ADCY5: variants seen among roughly 807,000 people sequenced by gnomAD.
The protein encoded by ADCY5 is adenylate cyclase type 5.
Under a neutral mutation model 119.7 loss-of-function variants are expected in ADCY5, and 30 were observed. The observed-to-expected ratio is 0.25, with a 90% CI of 0.19 to 0.34. The LOEUF (loss-of-function observed/expected upper bound fraction) is 0.34. Among genes scored for constraint, ADCY5 ranks in the 10% least tolerant of loss-of-function variants. ADCY5 has a pLI of 1.00. For synonymous variants in ADCY5, 753 were observed against 762.2 expected (o/e 0.99, Z 0.20); for missense variants, 1,324 against 1,775.2 (o/e 0.75, Z 4.57).
intron 2 of ADCY5, among the ~76,000 whole-genome samples, chr3:123,350,930 T>G (rs1942811262): frequency 6.6e-6 from 1 of 152,020 alleles, no homozygotes; most frequent in South Asian, 2.1e-4. Flanking sequence ...GATGAGGGGC[T>G]TTTCAGGAAT....
intron 10 of ADCY5, 101 bp from the exon 11 acceptor site, chr3:123,318,218 C>T (rs1941028601): frequency 3.5e-6 from 3 of 857,572 alleles, no homozygotes; most frequent in Non-Finnish European, 3.8e-6. Flanking sequence ...CATGGCTGGT[C>T]ACCTGTGCAG....
At position 123,447,537 on chromosome 3, in the gene ADCY5, A is replaced by T. The variant is rs1559882550; in HGVS notation, c.1009T>A (p.Tyr337Asn). 3 of 1,610,400 alleles carry T rather than the reference A, an allele frequency of 1.9e-6. No individual in the cohort carries two copies. Among genetic ancestry groups the T allele is most frequent in the Non-Finnish European group, 2.5e-6 (3 of 1,179,708 alleles). ...EGIWWTVFFI[Y>N]TIYTLLPVRM... ...ACGGGCAGCAGCGTGTAGATGGTGT[A>T]GATGAAGAACACGGTCCACCAGATG... The change falls in exon 1 of 21, where the codon TAC becomes AAC. Residue 337 changes from tyrosine to asparagine, a missense_variant. Physicochemically the swap from Tyr to Asn is moderately radical, Grantham distance 143 (BLOSUM62 -2). This residue lies in a region of ADCY5 where 585 missense variants were observed against 569.9 expected (regional missense o/e 1.03). Transcript: ENST00000462833.
At chr3:123,296,431 C>T (rs1939517063) in intron 16 of ADCY5, among the ~76,000 whole-genome samples, 2 of 152,228 alleles carry the variant, frequency 1.3e-5, no homozygotes, top group Admixed American at 1.3e-4. Flanking sequence ...GCACCTGCAG[C>T]TCAGGCAGCC....
intron 1 of ADCY5, among the ~76,000 whole-genome samples, chr3:123,383,866 C>A (rs538651366): frequency 6.6e-6 from 1 of 151,814 alleles, no homozygotes; most frequent in Admixed American, 6.6e-5. Context: ...CGCACACACA[C>A]ACACAAACAC....
chr3:123,441,980 G>GA (rs11382207), intron 1 of ADCY5, among the ~76,000 whole-genome samples: 128,157 of 139,286 alleles, frequency 0.92, 59,329 homozygotes, highest in Middle Eastern at 0.98. Context: ...CTTAAGGAAG[G>GA]AAAAAAAAAA....
intron 1 of ADCY5, among the ~76,000 whole-genome samples, chr3:123,382,640 A>T (rs180699843): frequency 6.6e-6 from 1 of 152,362 alleles, no homozygotes; most frequent in Non-Finnish European, 1.5e-5. Context: ...AGCCTCAAAA[A>T]CATTATGCTA....
At chr3:123,301,604 T>C (rs991451419) in intron 14 of ADCY5, among the ~76,000 whole-genome samples, 3 of 151,932 alleles carry the variant, frequency 2.0e-5, no homozygotes, top group African/African-American at 7.3e-5. Context: ...TTGAGGGAGG[T>C]GGTCAGCTGG....
In ADCY5 at chr3:123,325,312, A is replaced by G; in HGVS notation, c.2088+10T>C. On this transcript the variant is annotated intron_variant, in intron 8 of 20. Transcript: ENST00000462833. ...AGTGTTGCCCACAGGCTGCCCCACC[A>G]GCCACTCACCATCCGCTTCATCTCC... The G allele has an allele frequency of 1.2e-6, 2 of 1,613,854 alleles. 1 individual carries two copies. Among genetic ancestry groups the G allele is most frequent in the South Asian group, 2.2e-5 (2 of 91,062 alleles).
At chr3:123,319,567 C>T (rs1335045202) in intron 10 of ADCY5, 107 bp downstream of exon 10, 1 of 1,395,378 alleles carries the variant, frequency 7.2e-7, no homozygotes, top group Non-Finnish European at 9.7e-7. Flanking sequence ...ACTGAGGCCA[C>T]CCCTTCCGTG....
intron 16 of ADCY5, among the ~76,000 whole-genome samples, chr3:123,296,769 G>A (rs1939541113): frequency 6.6e-6 from 1 of 152,226 alleles, no homozygotes; most frequent in African/African-American, 2.4e-5. Context: ...ACCAACAGTA[G>A]GTGCTGCAAA....
chr3:123,400,581 T>C (rs1414148853), intron 1 of ADCY5, among the ~76,000 whole-genome samples: 1 of 152,234 alleles, frequency 6.6e-6, no homozygotes, highest in East Asian at 1.9e-4. Flanking sequence ...TGAAATATTA[T>C]GCAGTTATTT....
At chr3:123,318,249 G>T in intron 10 of ADCY5, 132 bp from the exon 11 acceptor site, 2 of 658,460 alleles carry the variant, frequency 3.0e-6, no homozygotes, top group South Asian at 1.7e-5. Context: ...CAACAGGGAA[G>T]ACTCGAGAAC....
At chr3:123,367,508 A>T (rs561613527) in intron 1 of ADCY5, among the ~76,000 whole-genome samples, 1 of 152,280 alleles carries the variant, frequency 6.6e-6, no homozygotes, top group African/African-American at 2.4e-5. Context: ...ATCTTGGAGA[A>T]TAATTATCCC....
intron 1 of ADCY5, among the ~76,000 whole-genome samples, chr3:123,412,099 T>G (rs1354722113): frequency 6.6e-6 from 1 of 152,166 alleles, no homozygotes; most frequent in Non-Finnish European, 1.5e-5. Context: ...TCATAAAACC[T>G]TCCTCCACAT....
intron 1 of ADCY5, among the ~76,000 whole-genome samples, chr3:123,410,746 C>T (rs1342605894): frequency 6.6e-6 from 1 of 152,138 alleles, no homozygotes; most frequent in African/African-American, 2.4e-5. Flanking sequence ...CTCCTGAGCT[C>T]AAGCGATCCT....
rs368363111 is a variant in ADCY5 at position 123,447,962 on chromosome 3, G to C, written c.584C>G (p.Ser195Trp). 2.0e-6 allele frequency: 3 copies of C among 1,485,300 alleles called. No individual in the cohort carries two copies. The highest frequency in any genetic ancestry group is 8.9e-7 in the Non-Finnish European group (1 of 1,117,698). The allele number at this position is 1,485,300 out of a possible 1,614,324, so 92.0% of individuals were successfully genotyped here. A position where few individuals can be genotyped will look rare whatever the true frequency, so the allele number is the denominator to read the frequency against. The change falls in exon 1 of 21, where the codon TCG becomes TGG. Residue 195 changes from serine to tryptophan, a missense_variant. This residue lies in a region of ADCY5 where 585 missense variants were observed against 569.9 expected (regional missense o/e 1.03). Transcript: ENST00000462833. ...GDGGSSADSGSGAGPGAVLSL... is the reference protein window; with the variant it reads ...GDGGSSADSGWGAGPGAVLSL... ...CAGCACCGCGCCGGGCCCCGCGCCCGAGCCCGAGTCCGCCGAGCTGCCGCC... is the reference window on the plus strand; with the variant it reads ...CAGCACCGCGCCGGGCCCCGCGCCCCAGCCCGAGTCCGCCGAGCTGCCGCC...
intron 1 of ADCY5, among the ~76,000 whole-genome samples, chr3:123,365,916 G>A (rs61009309): frequency 4.1e-4 from 63 of 152,248 alleles, no homozygotes; most frequent in African/African-American, 1.5e-3. Flanking sequence ...AGAGGTAAAT[G>A]AGGACAGCAC....
At chr3:123,385,307 A>ACACACG (rs1231942064) in intron 1 of ADCY5, among the ~76,000 whole-genome samples, 8 of 151,206 alleles carry the variant, frequency 5.3e-5, no homozygotes, top group Non-Finnish European at 8.8e-5. Flanking sequence ...ACACACACAC[A>ACACACG]CACGCACGCA....
At chr3:123,295,817 C>G in intron 17 of ADCY5, among the ~76,000 whole-genome samples, 1 of 152,238 alleles carries the variant, frequency 6.6e-6, no homozygotes, top group East Asian at 1.9e-4. Flanking sequence ...TCAAAGCATG[C>G]CTCCTGGACC....
Sources: allele counts gnomAD v4.1 joint callset (sites outside exome capture counted in the v4.1 genomes callset), GRCh38; gene constraint gnomAD v4.1.1; regional missense constraint gnomAD v4.1.1; transcripts MANE v1.5; gene names NCBI Gene and HGNC (gene_info 2026-07-23, HGNC 2026-07-21).